The following CTNND2 variants were observed in gnomAD, a reference collection of about 807,000 sequenced individuals.
The protein encoded by CTNND2 is catenin delta-2.
Under a neutral mutation model 144.4 loss-of-function variants are expected in CTNND2, and 22 were observed. The observed-to-expected ratio is 0.15, with a 90% CI of 0.11 to 0.22. The LOEUF (loss-of-function observed/expected upper bound fraction) is 0.22, where lower values mean the gene tolerates loss of function less well. CTNND2 is among the 10% of genes least tolerant of loss of function. The probability of loss-of-function intolerance (pLI) is 1.00; values close to 1 mark genes in which losing one functional copy is unlikely to be tolerated. For missense variants in CTNND2, 1,353 were observed against 1,618.8 expected, an observed-to-expected ratio of 0.84 and a Z score of 2.82; for synonymous variants, 751 against 695.6, an observed-to-expected ratio of 1.08 and a Z score of -1.25.
At chr5:11,409,925 C>T (rs944233067) in intron 5 of CTNND2, among the ~76,000 whole-genome samples, 1 of 151,922 alleles carries the variant, frequency 6.6e-6, no homozygotes, top group African/African-American at 2.4e-5. Context: ...AATTTGTTTA[C>T]TTTTTATTTA....
chr5:11,198,317 A>G (rs32266), intron 11 of CTNND2, among the ~76,000 whole-genome samples: 74,169 of 151,994 alleles, frequency 0.49, 18,700 homozygotes, highest in African/African-American at 0.62. Context: ...TTCTAGTTAT[A>G]GAAAGAAAAA....
At chr5:11,815,374 T>C (rs1402945544) in intron 1 of CTNND2, among the ~76,000 whole-genome samples, 1 of 152,222 alleles carries the variant, frequency 6.6e-6, no homozygotes, top group Non-Finnish European at 1.5e-5. Context: ...TTTAGAATTA[T>C]AACAATAGCA....
chr5:11,168,395 T>G lies in CTNND2; in HGVS notation c.1976-8636A>C, dbSNP rs1218034262. ...TGAAAATAATTTGTATGTCAGTGTTTGGTAGTGGCCATCTGTAAAAGTCAT... is the reference window on the plus strand; with the variant it reads ...TGAAAATAATTTGTATGTCAGTGTTGGGTAGTGGCCATCTGTAAAAGTCAT... On this transcript the variant is annotated intron_variant, in intron 11 of 21. Coordinates refer to ENST00000304623, the MANE Select transcript of CTNND2 (RefSeq NM_001332.4). Among the ~76,000 whole-genome samples the G allele has an allele frequency of 2.6e-5, 4 of 152,224 alleles. No individual in the cohort carries two copies. The East Asian group carries it at 7.7e-4, about 29-fold the overall frequency.
intron 3 of CTNND2, among the ~76,000 whole-genome samples, chr5:11,511,641 CCTG>C (rs1314080577): frequency 1.3e-5 from 2 of 152,100 alleles, no homozygotes; most frequent in African/African-American, 4.8e-5. Context: ...TTTTATCCTA[CCTG>C]CTAATTTCCC....
intron 9 of CTNND2, among the ~76,000 whole-genome samples, chr5:11,317,899 G>A (rs1337005689): frequency 6.6e-6 from 1 of 152,192 alleles, no homozygotes; most frequent in African/African-American, 2.4e-5. Flanking sequence ...GGCTTCAAAT[G>A]TAGCACCACA....
At chr5:11,233,307 A>G (rs896005063) in intron 10 of CTNND2, among the ~76,000 whole-genome samples, 11 of 152,112 alleles carry the variant, frequency 7.2e-5, no homozygotes, top group African/African-American at 2.7e-4. Flanking sequence ...AAAAAAATTG[A>G]TGTTCTTGGC....
intron 9 of CTNND2, among the ~76,000 whole-genome samples, chr5:11,293,777 G>A (rs1227440075): frequency 6.9e-6 from 1 of 144,408 alleles, no homozygotes; most frequent in Non-Finnish European, 1.5e-5. Context: ...AGGCAAAAAA[G>A]ACTCCAAGAA....
intron 2 of CTNND2, among the ~76,000 whole-genome samples, chr5:11,703,535 G>A (rs964817354): frequency 6.6e-6 from 1 of 152,184 alleles, no homozygotes; most frequent in Admixed American, 6.5e-5. Flanking sequence ...TCTGCCAACA[G>A]CAAGTATAAT....
At chr5:11,508,053 T>C (rs1433065326) in intron 3 of CTNND2, among the ~76,000 whole-genome samples, 10 of 152,038 alleles carry the variant, frequency 6.6e-5, no homozygotes, top group Non-Finnish European at 1.5e-4. Flanking sequence ...CACTATATAT[T>C]ACATCTCTGT....
intron 11 of CTNND2, among the ~76,000 whole-genome samples, chr5:11,194,282 G>A (rs1736633886): frequency 6.6e-6 from 1 of 152,100 alleles, no homozygotes; most frequent in Non-Finnish European, 1.5e-5. Flanking sequence ...GGGAAGACAA[G>A]CTAGAAAGGG....
In CTNND2 at chr5:11,495,043, C is replaced by T. The variant is rs371404012; in HGVS notation, c.287+69901G>A. Among the ~76,000 whole-genome samples, 51 of 152,242 alleles carry T rather than the reference C, an allele frequency of 3.3e-4. 1 individual carries two copies. The East Asian group carries it at 7.4e-3, about 22-fold the overall frequency. The stretch of plus-strand genomic sequence containing the variant: ...CTTACAAGTTCTTTAAAATTGCTTT[C>T]CTTCCTAAGGAATCAATTTGCCTTA... On this transcript the variant is annotated intron_variant, in intron 3 of 21. Transcript: ENST00000304623.
chr5:11,113,394 T>C (rs1387394694), intron 13 of CTNND2, among the ~76,000 whole-genome samples: 2 of 152,178 alleles, frequency 1.3e-5, no homozygotes, highest in Non-Finnish European at 2.9e-5. Context: ...CATTTGTTTA[T>C]GAATGGTCTG....
At chr5:11,143,528 G>C (rs1756947908) in intron 12 of CTNND2, among the ~76,000 whole-genome samples, 1 of 152,154 alleles carries the variant, frequency 6.6e-6, no homozygotes, top group Non-Finnish European at 1.5e-5. Flanking sequence ...TTCTCCCTGG[G>C]AGTGTGTGTC....
At chr5:11,304,967 T>C (rs903140472) in intron 9 of CTNND2, among the ~76,000 whole-genome samples, 1 of 152,052 alleles carries the variant, frequency 6.6e-6, no homozygotes, top group African/African-American at 2.4e-5. Context: ...CTTGCTTGCT[T>C]GCTTGCTGAA....
intron 15 of CTNND2, among the ~76,000 whole-genome samples, chr5:11,090,334 G>A (rs1225824359): frequency 6.6e-6 from 1 of 152,212 alleles, no homozygotes; most frequent in Non-Finnish European, 1.5e-5. Flanking sequence ...TGTACAGGTA[G>A]TTTTACAAGT....
chr5:11,039,895 C>A (rs536064692), intron 16 of CTNND2, among the ~76,000 whole-genome samples: 29 of 152,190 alleles, frequency 1.9e-4, no homozygotes, highest in African/African-American at 7.0e-4. Context: ...AACCCCATCT[C>A]TACTAAAAAT....
chr5:11,563,410 G>C (rs1776827105), intron 3 of CTNND2, among the ~76,000 whole-genome samples: 1 of 152,186 alleles, frequency 6.6e-6, no homozygotes, highest in Non-Finnish European at 1.5e-5. Context: ...TATAAAATTA[G>C]ATGGAGTAAA....
At chr5:11,899,397 T>C (rs991149958) in intron 1 of CTNND2, among the ~76,000 whole-genome samples, 1 of 152,222 alleles carries the variant, frequency 6.6e-6, no homozygotes, top group Admixed American at 6.5e-5. Flanking sequence ...TTAGAATCTT[T>C]TATAATAATG....
rs1278581957 is a variant in CTNND2 at position 11,904,053 on chromosome 5, G to A, written c.-200C>T. 4 of 367,908 alleles carry A rather than the reference G, an allele frequency of 1.1e-5. No individual in the cohort carries two copies. The highest frequency in any genetic ancestry group is 1.7e-5 in the Non-Finnish European group (4 of 234,934). 22.8% of individuals were successfully genotyped at this position (367,908 alleles called of 1,614,324 possible). On this transcript the variant is annotated 5_prime_UTR_variant, in exon 1 of 22. Coordinates refer to ENST00000304623, the MANE Select transcript of CTNND2 (RefSeq NM_001332.4). This position sits in a 1 kb window ranked among gnomAD's most constrained non-coding sequence, Gnocchi z 4.2. ...AGGCGGCTCCCGACGCGAGTGCGCA[G>A]CGCCCGGCCCGGCGGCCCCTCCGAG...
Sources: gnomAD v4.1 joint callset for allele counts (sites outside exome capture counted in the v4.1 genomes callset) on GRCh38, gnomAD v4.1.1 for gene constraint, Gnocchi (gnomAD v3.1) non-coding constraint, MANE v1.5 for transcripts, NCBI Gene and HGNC (gene_info 2026-07-23, HGNC 2026-07-21) for gene names.